SHC4: variants seen among roughly 807,000 people sequenced by gnomAD.
SHC4 encodes SHC adaptor protein 4.
A neutral mutation model predicts 69.4 loss-of-function variants in SHC4; 41 were observed. The ratio of observed to expected loss-of-function variants is 0.59; its 90% CI spans 0.46 to 0.77. The LOEUF is 0.77. Ranked by LOEUF, SHC4 falls within the 30% of genes least tolerant of loss-of-function variation. The pLI is 0.00. For synonymous variants in SHC4, 318 were observed against 299.3 expected, an observed-to-expected ratio of 1.06 and a Z score of -0.64; for missense variants, 777 against 783.8, an observed-to-expected ratio of 0.99 and a Z score of 0.10.
At chr15:48,916,830 C>G (rs1472388164) in intron 2 of SHC4, among the ~76,000 whole-genome samples, 1 of 152,190 alleles carries the variant, frequency 6.6e-6, no homozygotes, top group Non-Finnish European at 1.5e-5. Context: ...GTGCTGGGAG[C>G]CTGGCTGATT....
chr15:48,896,271 CCTCTCT>C (rs1192455593), intron 2 of SHC4, among the ~76,000 whole-genome samples: 7 of 124,390 alleles, frequency 5.6e-5, no homozygotes, highest in Admixed American at 1.6e-4. Context: ...CCTCCCTCTC[CCTCTCT>C]CTCTCTCTCT....
At chr15:48,880,946 C>T (rs925597495) in intron 4 of SHC4, among the ~76,000 whole-genome samples, 3 of 150,712 alleles carry the variant, frequency 2.0e-5, no homozygotes, top group Admixed American at 6.6e-5. Flanking sequence ...ATTGGATGTA[C>T]CTTACAAATT....
intron 10 of SHC4, among the ~76,000 whole-genome samples, chr15:48,842,707 T>A (rs1008329201): frequency 1.3e-5 from 2 of 152,162 alleles, no homozygotes; most frequent in African/African-American, 4.8e-5. Context: ...GGCAGGCAGA[T>A]GGCATGGGCC....
At chr15:48,873,457 A>G (rs1026085320) in intron 4 of SHC4, among the ~76,000 whole-genome samples, 3 of 152,226 alleles carry the variant, frequency 2.0e-5, no homozygotes, top group African/African-American at 7.2e-5. Context: ...TATATCAACA[A>G]TAGTCGGCCG....
intron 1 of SHC4, among the ~76,000 whole-genome samples, chr15:48,953,860 T>C (rs1362781906): frequency 6.6e-6 from 1 of 152,162 alleles, no homozygotes; most frequent in African/African-American, 2.4e-5. Flanking sequence ...CCTCATCCCA[T>C]GACTTGAGAT....
intron 1 of SHC4, chr15:48,945,836 C>T (rs777549032): frequency 1.3e-5 from 2 of 152,088 alleles, no homozygotes; most frequent in Non-Finnish European, 2.9e-5. Context: ...TTGAATTGTA[C>T]ACTTAAAGTG....
intron 2 of SHC4, among the ~76,000 whole-genome samples, chr15:48,900,232 G>T (rs1292687903): frequency 6.6e-6 from 1 of 152,128 alleles, no homozygotes; most frequent in Non-Finnish European, 1.5e-5. Context: ...TTATGGCTGG[G>T]CGCAGTGGCT....
rs145430523 is a variant in SHC4, at chr15:48,867,817, C to A, written c.946+1G>T. 2 of 1,613,402 alleles carry A rather than the reference C, an allele frequency of 1.2e-6. No homozygotes were observed. The highest frequency in any genetic ancestry group is 1.7e-5 in the Admixed American group (1 of 59,984). ...AAAAATCTGTAAGTTGCTTTCCATA[C>A]CTCGTTGATTAACTGGATCTTTAGC... On this transcript the variant is annotated splice_donor_variant, in intron 6 of 11. Transcript: ENST00000332408. LOFTEE classifies it high-confidence loss of function.
Position 48,890,758 on chromosome 15 carries a change from T to C in SHC4, c.710A>G (p.Lys237Arg). 6.2e-7 allele frequency: 1 copy of C among 1,614,216 alleles called. No homozygotes were observed. The highest frequency in any genetic ancestry group is 8.5e-7 in the Non-Finnish European group (1 of 1,180,046). ...EAVPGANGAI[K>R]KRKPPVKFLS... ...CACATCATCATTTACCTTTCGCTTTTTAATGGCTCCATTTGCCCCGGGGAC... is the reference window on the plus strand; with the variant it reads ...CACATCATCATTTACCTTTCGCTTTCTAATGGCTCCATTTGCCCCGGGGAC... The change falls in exon 3 of 12, where the codon AAA becomes AGA. Residue 237 changes from lysine to arginine, a missense_variant. Physicochemically the swap from Lys to Arg is conservative, Grantham distance 26 (BLOSUM62 2). Coordinates refer to ENST00000332408, the MANE Select transcript of SHC4 (RefSeq NM_203349.4).
At chr15:48,927,577 A>T in intron 1 of SHC4, among the ~76,000 whole-genome samples, 1 of 152,058 alleles carries the variant, frequency 6.6e-6, no homozygotes, top group East Asian at 1.9e-4. Context: ...GATCAAAACA[A>T]TCTCGTTACT....
chr15:48,830,534 G>A (rs1009126273), intron 11 of SHC4, among the ~76,000 whole-genome samples: 1 of 152,164 alleles, frequency 6.6e-6, no homozygotes, highest in African/African-American at 2.4e-5. Context: ...TGACTAATGA[G>A]TTGTTGGAAC....
chr15:48,864,217 A>T (rs1899509584), intron 6 of SHC4, among the ~76,000 whole-genome samples: 1 of 152,132 alleles, frequency 6.6e-6, no homozygotes, highest in South Asian at 2.1e-4. Flanking sequence ...ATGATATCTC[A>T]TTAAATCCTC....
At chr15:48,881,543 G>A (rs1899947184) in intron 4 of SHC4, among the ~76,000 whole-genome samples, 1 of 152,078 alleles carries the variant, frequency 6.6e-6, no homozygotes, top group African/African-American at 2.4e-5. Context: ...TACCTACTTG[G>A]CCTCTAAATA....
chr15:48,889,595 A>G (rs988793058), intron 3 of SHC4, among the ~76,000 whole-genome samples: 2 of 152,260 alleles, frequency 1.3e-5, no homozygotes, highest in Admixed American at 6.5e-5. Context: ...CTGTGGCCCC[A>G]GCACTTTGGT....
chr15:48,868,144 G>C (rs192374120), intron 5 of SHC4, among the ~76,000 whole-genome samples: 12 of 152,290 alleles, frequency 7.9e-5, no homozygotes, highest in Admixed American at 6.5e-4. Flanking sequence ...AGCAGATAGG[G>C]AACATGTTAG....
intron 11 of SHC4, among the ~76,000 whole-genome samples, chr15:48,833,164 G>C (rs1898835736): frequency 6.6e-6 from 1 of 152,220 alleles, no homozygotes; most frequent in South Asian, 2.1e-4. Flanking sequence ...TTACAAACTG[G>C]CTTCATACAA....
chr15:48,829,528 G>A (rs989141795), intron 11 of SHC4, among the ~76,000 whole-genome samples: 15 of 152,038 alleles, frequency 9.9e-5, no homozygotes, highest in African/African-American at 7.2e-5. Context: ...TATTTTGTCC[G>A]ATATAAGTAT....
At chr15:48,936,758 G>A (rs747979663) in intron 1 of SHC4, among the ~76,000 whole-genome samples, 1 of 152,204 alleles carries the variant, frequency 6.6e-6, no homozygotes, top group African/African-American at 2.4e-5. Flanking sequence ...ATTGTCCAAA[G>A]AAATCTTTCA....
intron 9 of SHC4, among the ~76,000 whole-genome samples, chr15:48,849,965 G>A (rs1271677818): frequency 6.6e-6 from 1 of 152,216 alleles, no homozygotes; most frequent in Non-Finnish European, 1.5e-5. Context: ...CACTTTGGGA[G>A]GCCAAGGCAG....
Sources: allele counts gnomAD v4.1 joint callset (sites outside exome capture counted in the v4.1 genomes callset), GRCh38; gene constraint gnomAD v4.1.1; transcripts MANE v1.5; gene names NCBI Gene and HGNC (gene_info 2026-07-23, HGNC 2026-07-21).